Variants in CDH13 observed in about 807,000 individuals in gnomAD.
CDH13 encodes the protein cadherin-13.
A neutral mutation model predicts 63.8 loss-of-function variants in CDH13; 24 were observed. The ratio of observed to expected loss-of-function variants is 0.38; its 90% CI spans 0.27 to 0.53. The LOEUF (loss-of-function observed/expected upper bound fraction) is 0.53. CDH13 is among the 20% of genes least tolerant of loss of function. The pLI is 0.85. For synonymous variants in CDH13, 503 were observed against 355.3 expected, an observed-to-expected ratio of 1.42 and a Z score of -4.67; for missense variants, 1,049 against 903.1, an observed-to-expected ratio of 1.16 and a Z score of -2.07.
intron 10 of CDH13, among the ~76,000 whole-genome samples, chr16:83,728,648 C>T (rs1188571556): frequency 6.6e-6 from 1 of 152,092 alleles, no homozygotes; most frequent in Admixed American, 6.5e-5. Flanking sequence ...GCACTGTGCC[C>T]AGCAGGAAGG....
At chr16:83,385,028 T>A (rs1257027416) in intron 6 of CDH13, among the ~76,000 whole-genome samples, 1 of 152,188 alleles carries the variant, frequency 6.6e-6, no homozygotes, top group Non-Finnish European at 1.5e-5. Flanking sequence ...AGCAGCCAGC[T>A]CCCAGCACAG....
chr16:82,805,398 C>G (rs965722467), intron 1 of CDH13, among the ~76,000 whole-genome samples: 1 of 152,204 alleles, frequency 6.6e-6, no homozygotes, highest in Admixed American at 6.5e-5. Flanking sequence ...CTTGTCTTAT[C>G]TCAGCTATGC....
intron 8 of CDH13, among the ~76,000 whole-genome samples, chr16:83,653,597 C>T (rs1224896361): frequency 6.6e-6 from 1 of 152,132 alleles, no homozygotes; most frequent in African/African-American, 2.4e-5. Flanking sequence ...AGCACTCTAG[C>T]ATAGTTCTGG....
chr16:83,240,340 G>T (rs1199001348), intron 5 of CDH13, among the ~76,000 whole-genome samples: 2 of 152,086 alleles, frequency 1.3e-5, no homozygotes, highest in Non-Finnish European at 2.9e-5. Flanking sequence ...AGTGAAATGG[G>T]AAGCACTGAA....
chr16:83,425,732 CCTTT>C (rs1190248017), intron 6 of CDH13, among the ~76,000 whole-genome samples: 1 of 148,134 alleles, frequency 6.8e-6, no homozygotes, highest in Non-Finnish European at 1.5e-5. Flanking sequence ...AATATGAATA[CCTTT>C]CTGTCTTTCC....
At chr16:83,149,453 A>G (rs1284424320) in intron 4 of CDH13, among the ~76,000 whole-genome samples, 1 of 152,302 alleles carries the variant, frequency 6.6e-6, no homozygotes, top group Non-Finnish European at 1.5e-5. Context: ...AAAACTAGAG[A>G]TTCATATGGG....
intron 1 of CDH13, chr16:82,829,460 C>A (rs575510572): frequency 6.6e-6 from 1 of 152,078 alleles, no homozygotes; most frequent in Admixed American, 6.6e-5. Context: ...TATCCCATTT[C>A]TGTTTTCACG....
intron 6 of CDH13, among the ~76,000 whole-genome samples, chr16:83,412,147 A>G (rs1183379004): frequency 6.6e-6 from 1 of 152,214 alleles, no homozygotes; most frequent in Non-Finnish European, 1.5e-5. Flanking sequence ...GGAATCATGT[A>G]CTTCCTTTTC....
At chr16:82,778,113 T>C (rs2035582670) in intron 1 of CDH13, among the ~76,000 whole-genome samples, 1 of 152,192 alleles carries the variant, frequency 6.6e-6, no homozygotes. Context: ...CAGGGTTCAC[T>C]GGGAGCCAGC....
chr16:83,002,510 T>C (rs558185926), intron 2 of CDH13, among the ~76,000 whole-genome samples: 224 of 152,360 alleles, frequency 1.5e-3, no homozygotes, highest in African/African-American at 5.1e-3. Flanking sequence ...TAGTTTGTTA[T>C]AGCAGCCACA....
At chr16:83,654,200 A>G (rs568024516) in intron 8 of CDH13, among the ~76,000 whole-genome samples, 5 of 152,046 alleles carry the variant, frequency 3.3e-5, no homozygotes, top group East Asian at 1.9e-4. Flanking sequence ...GGTTCTTTCT[A>G]TCAGGCTGGT....
At chr16:82,807,173 C>G (rs12927934) in intron 1 of CDH13, among the ~76,000 whole-genome samples, 1 of 151,226 alleles carries the variant, frequency 6.6e-6, no homozygotes, top group Non-Finnish European at 1.5e-5. Context: ...AACCAGTGTT[C>G]CAAATGTCAT....
At chr16:83,197,130 A>G (rs966381467) in intron 4 of CDH13, among the ~76,000 whole-genome samples, 1 of 152,346 alleles carries the variant, frequency 6.6e-6, no homozygotes, top group East Asian at 1.9e-4. Context: ...TTATTGATAC[A>G]CAGCAACTTG....
intron 2 of CDH13, among the ~76,000 whole-genome samples, chr16:82,879,917 G>C (rs2040638156): frequency 7.3e-6 from 1 of 137,266 alleles, no homozygotes. Context: ...TATATATTTA[G>C]ATATTATAGA....
chr16:83,596,425 C>G (rs1907262392), intron 7 of CDH13, among the ~76,000 whole-genome samples: 1 of 130,092 alleles, frequency 7.7e-6, no homozygotes, highest in Non-Finnish European at 1.5e-5. Context: ...AGGGAGTTAC[C>G]TGTGAATTTA....
intron 5 of CDH13, among the ~76,000 whole-genome samples, chr16:83,331,726 G>A (rs964151): frequency 0.97 from 147,354 of 152,266 alleles, 71,461 homozygotes; most frequent in Non-Finnish European, 1. Flanking sequence ...GTATACACTA[G>A]TTTTAGTCAG....
intron 8 of CDH13, among the ~76,000 whole-genome samples, chr16:83,662,831 T>C (rs1036028932): frequency 1.3e-5 from 2 of 152,106 alleles, no homozygotes; most frequent in African/African-American, 4.8e-5. Context: ...GGAGTGAAAA[T>C]GAGGTTGTTG....
intron 2 of CDH13, among the ~76,000 whole-genome samples, chr16:83,000,024 A>G (rs1216228535): frequency 2.0e-5 from 3 of 152,108 alleles, no homozygotes; most frequent in African/African-American, 7.2e-5. Context: ...ACATCCATGC[A>G]GAACAACAAC....
At chr16:82,654,797 T>C (rs1367223972) in intron 1 of CDH13, among the ~76,000 whole-genome samples, 1 of 152,082 alleles carries the variant, frequency 6.6e-6, no homozygotes, top group Non-Finnish European at 1.5e-5. Flanking sequence ...CTTCTCAGGT[T>C]ATAGTATTAA....
Sources: allele counts gnomAD v4.1 joint callset (sites outside exome capture counted in the v4.1 genomes callset), GRCh38; gene constraint gnomAD v4.1.1; transcripts MANE v1.5; gene names NCBI Gene and HGNC (gene_info 2026-07-23, HGNC 2026-07-21).